The following PRKCE variants were observed in gnomAD, a reference collection of about 807,000 sequenced individuals.
The protein encoded by PRKCE is protein kinase C epsilon type.
A neutral mutation model predicts 85.4 loss-of-function variants in PRKCE; 16 were observed. That is an observed-to-expected ratio of 0.19 (90% CI 0.13 to 0.28). The LOEUF (loss-of-function observed/expected upper bound fraction) is 0.28, where lower values mean the gene tolerates loss of function less well. PRKCE is among the 10% of genes least tolerant of loss of function. PRKCE has a pLI of 1.00. For missense variants in PRKCE, 573 were observed against 975.2 expected, an observed-to-expected ratio of 0.59 and a Z score of 5.49; for synonymous variants, 388 against 371.5, an observed-to-expected ratio of 1.04 and a Z score of -0.51.
chr2:45,794,846 C>CA (rs1687298093), intron 1 of PRKCE, among the ~76,000 whole-genome samples: 1 of 28,548 alleles, frequency 3.5e-5, no homozygotes, highest in Admixed American at 3.1e-4. Context: ...TATTGCCCTA[C>CA]CCCCCCCCCC....
At chr2:45,759,554 C>T (rs1426441539) in intron 1 of PRKCE, among the ~76,000 whole-genome samples, 1 of 152,162 alleles carries the variant, frequency 6.6e-6, no homozygotes, top group South Asian at 2.1e-4. Flanking sequence ...CTGGGAGATG[C>T]CTGTTGTTCC....
chr2:45,721,296 CAT>C (rs1680598786), intron 1 of PRKCE, among the ~76,000 whole-genome samples: 1 of 152,156 alleles, frequency 6.6e-6, no homozygotes, highest in South Asian at 2.1e-4. Flanking sequence ...CACAGTTCCA[CAT>C]TGCCTTGGGG....
intron 1 of PRKCE, among the ~76,000 whole-genome samples, chr2:45,839,231 G>A (rs575138255): frequency 6.6e-6 from 1 of 152,220 alleles, no homozygotes; most frequent in East Asian, 1.9e-4. Flanking sequence ...GAGGCTGAGA[G>A]GCTCAGGAAG....
rs1697070529 is a variant in PRKCE, at chr2:45,907,530, A to C, written c.412+64467A>C. On this transcript the variant is annotated intron_variant, in intron 2 of 14. Coordinates refer to ENST00000306156, the MANE Select transcript of PRKCE (RefSeq NM_005400.3). This position sits in a 1 kb window ranked among gnomAD's most constrained non-coding sequence, Gnocchi z 4.5. ...GAGGGCGTCATCGCAGGCCCTGTTC[A>C]TCTCTCCGGGCAGTGGCATAGCAGG... 6.6e-6 allele frequency among the ~76,000 whole-genome samples: 1 copy of C among 152,176 alleles called. No individual in the cohort carries two copies. Among genetic ancestry groups the C allele is most frequent in the African/African-American group, 2.4e-5 (1 of 41,438 alleles).
At chr2:45,860,237 TA>T (rs1693037287) in intron 2 of PRKCE, among the ~76,000 whole-genome samples, 1 of 152,230 alleles carries the variant, frequency 6.6e-6, no homozygotes, top group Non-Finnish European at 1.5e-5. Flanking sequence ...TCAGAGGTGT[TA>T]ATAGTAGCCA....
At chr2:45,750,994 TCTCA>T (rs1393044197) in intron 1 of PRKCE, among the ~76,000 whole-genome samples, 1 of 152,192 alleles carries the variant, frequency 6.6e-6, no homozygotes, top group Non-Finnish European at 1.5e-5. Flanking sequence ...GCCCTCTGCA[TCTCA>T]CTTGCTTTCC....
At chr2:45,745,316 C>A (rs1008672908) in intron 1 of PRKCE, among the ~76,000 whole-genome samples, 82 of 152,286 alleles carry the variant, frequency 5.4e-4, no homozygotes, top group African/African-American at 1.9e-3. Context: ...GACAGGCCCA[C>A]CCCAACTTTC....
At chr2:46,140,560 A>G (rs1675415499) in intron 11 of PRKCE, among the ~76,000 whole-genome samples, 1 of 152,216 alleles carries the variant, frequency 6.6e-6, no homozygotes. Context: ...TTACCAAATG[A>G]AAACATAAAA....
intron 1 of PRKCE, among the ~76,000 whole-genome samples, chr2:45,727,772 A>C (rs1372800756): frequency 1.3e-5 from 2 of 152,116 alleles, no homozygotes; most frequent in Non-Finnish European, 2.9e-5. Context: ...CTCCCGCTTC[A>C]GCCTCCTGAG....
chr2:45,875,093 C>T (rs1313616552), intron 2 of PRKCE, among the ~76,000 whole-genome samples: 3 of 152,142 alleles, frequency 2.0e-5, no homozygotes, highest in Non-Finnish European at 4.4e-5. Flanking sequence ...CACAGGTACC[C>T]TCAGATGCTA....
intron 1 of PRKCE, among the ~76,000 whole-genome samples, chr2:45,721,222 C>T (rs1680593749): frequency 6.6e-6 from 1 of 152,186 alleles, no homozygotes; most frequent in Non-Finnish European, 1.5e-5. Flanking sequence ...GAAACTGAGG[C>T]TCTGTAACTT....
At chr2:46,003,589 A>T (rs766017808) in intron 7 of PRKCE, among the ~76,000 whole-genome samples, 3 of 152,250 alleles carry the variant, frequency 2.0e-5, no homozygotes, top group Non-Finnish European at 4.4e-5. Flanking sequence ...AACACCTCAC[A>T]ATATACACAT....
chr2:45,838,500 A>G (rs1691077761), intron 1 of PRKCE, among the ~76,000 whole-genome samples: 1 of 152,102 alleles, frequency 6.6e-6, no homozygotes, highest in Admixed American at 6.5e-5. Context: ...TTTCATGAGT[A>G]CCACACGTCC....
Position 46,187,655 on chromosome 2 carries a change from TGTG to T in PRKCE, c.*2775_*2777del, listed in dbSNP as rs1213686694. 2 of 152,442 alleles carry T rather than the reference TGTG, an allele frequency of 1.3e-5. No homozygotes were observed. The highest frequency in any genetic ancestry group is 4.8e-5 in the African/African-American group (2 of 41,366). The allele number at this position is 152,442 out of a possible 1,614,324, so 9.4% of individuals were successfully genotyped here. A position where few individuals can be genotyped will look rare whatever the true frequency, so the allele number is the denominator to read the frequency against. On this transcript the variant is annotated 3_prime_UTR_variant, in exon 15 of 15. Transcript: ENST00000306156. ...TTCTGTGTTCTCTCATTATGGACTT[TGTG>T]AAGTAGAAACATAATTTTTTTTCCT...
intron 1 of PRKCE, among the ~76,000 whole-genome samples, chr2:45,734,475 G>A (rs1400795094): frequency 6.6e-6 from 1 of 152,156 alleles, no homozygotes; most frequent in African/African-American, 2.4e-5. Flanking sequence ...CCATGTAAAC[G>A]GGGGGGTTGT....
rs140727575 is a variant in PRKCE at position 45,878,422 on chromosome 2, C to T, written c.412+35359C>T. On this transcript the variant is annotated intron_variant, in intron 2 of 14. Transcript: ENST00000306156. ...GTCTACTCTTATCCTGAGTCTGGGCCTAGTATACTCAGGGGGGATGATCTT... is the reference window on the plus strand; with the variant it reads ...GTCTACTCTTATCCTGAGTCTGGGCTTAGTATACTCAGGGGGGATGATCTT... Among the ~76,000 whole-genome samples the T allele has an allele frequency of 1.3e-3, 197 of 152,310 alleles. 1 individual carries two copies. The highest frequency in any genetic ancestry group is 4.7e-3 in the African/African-American group (195 of 41,564).
At chr2:45,916,367 G>A (rs1697779314) in intron 2 of PRKCE, among the ~76,000 whole-genome samples, 1 of 151,228 alleles carries the variant, frequency 6.6e-6, no homozygotes. Flanking sequence ...AGCTTCTCAA[G>A]TAGCTGGGAC....
At chr2:45,720,708 C>T (rs920795555) in intron 1 of PRKCE, among the ~76,000 whole-genome samples, 1 of 152,174 alleles carries the variant, frequency 6.6e-6, no homozygotes, top group African/African-American at 2.4e-5. Context: ...TAGTTAAGGT[C>T]ATTTCTGCCT....
chr2:45,872,373 A>G (rs1234843280), intron 2 of PRKCE, among the ~76,000 whole-genome samples: 3 of 152,204 alleles, frequency 2.0e-5, no homozygotes, highest in Non-Finnish European at 4.4e-5. Flanking sequence ...GGCAGCAGAG[A>G]GCCAGCTCAT....
Sources: gnomAD v4.1 joint callset for allele counts (sites outside exome capture counted in the v4.1 genomes callset) on GRCh38, gnomAD v4.1.1 for gene constraint, Gnocchi (gnomAD v3.1) non-coding constraint, MANE v1.5 for transcripts, NCBI Gene and HGNC (gene_info 2026-07-23, HGNC 2026-07-21) for gene names.